MTUS2: variants seen among roughly 807,000 people sequenced by gnomAD.
MTUS2 encodes microtubule associated scaffold protein 2, also known as microtubule-associated tumor suppressor candidate 2.
MTUS2 carries 40 observed loss-of-function variants against 114.1 expected under a neutral mutation model. That is an observed-to-expected ratio of 0.35 (90% CI 0.27 to 0.46). The LOEUF (loss-of-function observed/expected upper bound fraction) is 0.46. Among genes scored for constraint, MTUS2 ranks in the 20% least tolerant of loss-of-function variants. MTUS2 has a pLI of 1.00. For missense variants in MTUS2, 1,679 were observed against 1,705.4 expected (o/e 0.98, Z 0.27); for synonymous variants, 688 against 672.0 (o/e 1.02, Z -0.37).
intron 5 of MTUS2, among the ~76,000 whole-genome samples, chr13:29,168,145 C>CA (rs1166552232): frequency 2.6e-5 from 4 of 152,116 alleles, no homozygotes; most frequent in Non-Finnish European, 5.9e-5. Context: ...ATATTCTGAA[C>CA]ATTAGCTGAA....
At chr13:29,002,433 T>G (rs1194825122) in intron 2 of MTUS2, among the ~76,000 whole-genome samples, 1 of 152,244 alleles carries the variant, frequency 6.6e-6, no homozygotes, top group Non-Finnish European at 1.5e-5. Context: ...ATATACTATA[T>G]GCTTTTCAAT....
At chr13:28,849,129 C>G (rs1876082628) in intron 2 of MTUS2, among the ~76,000 whole-genome samples, 1 of 152,180 alleles carries the variant, frequency 6.6e-6, no homozygotes. Context: ...GTAACCTAGT[C>G]CACAATTCAT....
intron 2 of MTUS2, among the ~76,000 whole-genome samples, chr13:28,859,694 C>G (rs962681364): frequency 1.3e-5 from 2 of 152,074 alleles, no homozygotes; most frequent in African/African-American, 4.8e-5. Context: ...GGTAGACCAT[C>G]CTGTGACTGA....
chr13:29,368,395 TAGAA>T (rs1348803025), intron 8 of MTUS2, among the ~76,000 whole-genome samples: 4 of 152,086 alleles, frequency 2.6e-5, no homozygotes, highest in Non-Finnish European at 4.4e-5. Context: ...TACAGTTAGA[TAGAA>T]AGAATCAGTT....
At chr13:29,082,886 G>A (rs1048283791) in intron 4 of MTUS2, among the ~76,000 whole-genome samples, 4 of 152,180 alleles carry the variant, frequency 2.6e-5, no homozygotes, top group Admixed American at 6.5e-5. Flanking sequence ...GGAAGCATGA[G>A]AGGAGGTTAC....
intron 10 of MTUS2, among the ~76,000 whole-genome samples, chr13:29,485,898 G>A (rs17073520): frequency 0.038 from 5,517 of 145,230 alleles, 126 homozygotes; most frequent in Middle Eastern, 0.06. Flanking sequence ...CTCCTGAACT[G>A]TGTAGCAACC....
At chr13:28,865,528 G>A (rs1270108928) in intron 2 of MTUS2, among the ~76,000 whole-genome samples, 1 of 152,188 alleles carries the variant, frequency 6.6e-6, no homozygotes, top group African/African-American at 2.4e-5. Flanking sequence ...TGATTCCTCT[G>A]TAAGTGCTTG....
At chr13:29,236,979 C>T (rs1190651883) in intron 5 of MTUS2, among the ~76,000 whole-genome samples, 3 of 152,150 alleles carry the variant, frequency 2.0e-5, no homozygotes, top group African/African-American at 7.2e-5. Flanking sequence ...ATCAACTTAT[C>T]CCTAGTGGCC....
At chr13:28,857,429 T>C (rs1876703990) in intron 2 of MTUS2, among the ~76,000 whole-genome samples, 1 of 152,050 alleles carries the variant, frequency 6.6e-6, no homozygotes, top group Admixed American at 6.6e-5. Context: ...AAGAACAAAA[T>C]TGGCTCCTGA....
chr13:29,321,874 G>T (rs928487494), intron 6 of MTUS2, among the ~76,000 whole-genome samples: 1 of 152,040 alleles, frequency 6.6e-6, no homozygotes, highest in Admixed American at 6.6e-5. Context: ...ATGAAAATGG[G>T]GTAATTCCAT....
intron 8 of MTUS2, among the ~76,000 whole-genome samples, chr13:29,362,764 A>G (rs1431641353): frequency 6.6e-6 from 1 of 152,228 alleles, no homozygotes; most frequent in Non-Finnish European, 1.5e-5. Flanking sequence ...TTTTTACCTG[A>G]ATATGCTGAT....
chr13:29,298,165 A>AAT, intron 6 of MTUS2, among the ~76,000 whole-genome samples: 1 of 152,318 alleles, frequency 6.6e-6, no homozygotes, highest in Admixed American at 6.5e-5. Context: ...AATTCTTGTC[A>AAT]ATATGCCCTC....
intron 4 of MTUS2, among the ~76,000 whole-genome samples, chr13:29,097,891 A>G (rs1045625921): frequency 3.3e-5 from 5 of 152,342 alleles, no homozygotes; most frequent in Admixed American, 2.6e-4. Flanking sequence ...CATTCAGTCC[A>G]TCCATAACAC....
chr13:29,090,150 A>G (rs186644810), intron 4 of MTUS2, among the ~76,000 whole-genome samples: 2 of 152,222 alleles, frequency 1.3e-5, no homozygotes, highest in African/African-American at 4.8e-5. Context: ...TGACTGTGGT[A>G]TAAGTTGGGT....
At chr13:28,907,093 G>A (rs906436884) in intron 2 of MTUS2, among the ~76,000 whole-genome samples, 2 of 151,462 alleles carry the variant, frequency 1.3e-5, no homozygotes, top group African/African-American at 4.9e-5. Context: ...GTGGGGGCCA[G>A]TATTCAACAT....
At chr13:29,204,699 G>A (rs559940966) in intron 5 of MTUS2, among the ~76,000 whole-genome samples, 12 of 152,342 alleles carry the variant, frequency 7.9e-5, no homozygotes, top group East Asian at 7.7e-4. Flanking sequence ...TCAGGTAGCC[G>A]CCCATGACAG....
intron 2 of MTUS2, among the ~76,000 whole-genome samples, chr13:28,912,209 AT>A (rs565869874): frequency 1.3e-5 from 2 of 152,020 alleles, no homozygotes; most frequent in South Asian, 4.2e-4. Context: ...AAAGGTTCCA[AT>A]TTCAAATTTT....
chr13:29,122,478 G>A (rs1290559289), intron 5 of MTUS2, among the ~76,000 whole-genome samples: 4 of 152,142 alleles, frequency 2.6e-5, no homozygotes, highest in Non-Finnish European at 4.4e-5. Context: ...ATCAGATCTC[G>A]TGAGAACTCA....
At chr13:29,226,801 G>A (rs1225035421) in intron 5 of MTUS2, among the ~76,000 whole-genome samples, 2 of 152,150 alleles carry the variant, frequency 1.3e-5, no homozygotes, top group Non-Finnish European at 2.9e-5. Flanking sequence ...AGCCATACAT[G>A]TAAGCTTTGT....
Sources: gnomAD v4.1 joint callset for allele counts (sites outside exome capture counted in the v4.1 genomes callset) on GRCh38, gnomAD v4.1.1 for gene constraint, MANE v1.5 for transcripts, NCBI Gene and HGNC (gene_info 2026-07-23, HGNC 2026-07-21) for gene names.